FAT3: variants seen among roughly 807,000 people sequenced by gnomAD.
FAT3 encodes the protein protocadherin Fat 3.
FAT3 carries 95 observed loss-of-function variants against 310.2 expected under a neutral mutation model. The ratio of observed to expected loss-of-function variants is 0.31; its 90% CI spans 0.26 to 0.36. The LOEUF (loss-of-function observed/expected upper bound fraction) is 0.36. Ranked by LOEUF, FAT3 falls within the 10% of genes least tolerant of loss-of-function variation. The pLI, the probability that FAT3 is intolerant of heterozygous loss-of-function variation, is 1.00. For synonymous variants in FAT3, 2,314 were observed against 2,192.9 expected (o/e 1.06, Z -1.54); for missense variants, 5,408 against 5,715.6 (o/e 0.95, Z 1.74).
chr11:92,438,991 C>G (rs911987790), intron 2 of FAT3, among the ~76,000 whole-genome samples: 1 of 152,224 alleles, frequency 6.6e-6, no homozygotes, highest in Admixed American at 6.5e-5. Flanking sequence ...CCAAGTGACA[C>G]AGATCTGGTT....
intron 2 of FAT3, among the ~76,000 whole-genome samples, chr11:92,412,712 T>TATATAC (rs1950304552): frequency 2.4e-4 from 4 of 16,344 alleles, no homozygotes; most frequent in Non-Finnish European, 8.0e-4. Context: ...GATATATATA[T>TATATAC]ATATATATAT....
chr11:92,718,564 A>G (rs1454771089), intron 4 of FAT3, among the ~76,000 whole-genome samples: 1 of 152,032 alleles, frequency 6.6e-6, no homozygotes, highest in African/African-American at 2.4e-5. Context: ...TCTTGTTATT[A>G]CTCTTTCTTA....
rs1947295175 is a variant in FAT3 at position 92,800,161 on chromosome 11, A to G, written c.7148A>G (p.Tyr2383Cys). 6.2e-7 allele frequency: 1 copy of G among 1,613,826 alleles called. No individual in the cohort carries two copies. Among genetic ancestry groups the G allele is most frequent in the African/African-American group, 1.3e-5 (1 of 74,928 alleles). The change falls in exon 10 of 28, where the codon TAC (tyrosine) becomes TGC (cysteine). Residue 2383 changes from tyrosine to cysteine, a missense_variant. This residue lies in a region of FAT3 where 4,588 missense variants were observed against 4,809.8 expected (regional missense o/e 0.95). Coordinates refer to ENST00000525166, the MANE Select transcript of FAT3 (RefSeq NM_001367949.2). ...AGCAGTGAGGTTCTCGTTCATATCT[A>G]CATCTCTGATGTAAATGACAACCCT... is the stretch of plus-strand genomic sequence containing the variant. ...SLSSEVLVHI[Y>C]ISDVNDNPPV...
At chr11:92,571,344 AG>A (rs1476379213) in intron 3 of FAT3, among the ~76,000 whole-genome samples, 1 of 152,088 alleles carries the variant, frequency 6.6e-6, no homozygotes, top group Non-Finnish European at 1.5e-5. Context: ...GCTAGGGGTG[AG>A]GGAAGGGTGG....
In FAT3 at chr11:92,309,379, C is replaced by G. The variant is rs535911521; in HGVS notation, c.-17-42717C>G. 1.3e-3 allele frequency among the ~76,000 whole-genome samples: 64 copies of G among 49,732 alleles called. No homozygotes were observed. The East Asian group carries it at 0.043, about 33-fold the overall frequency. The allele number at this position is 49,732 out of a possible 152,430, so 32.6% of individuals were successfully genotyped here. On this transcript the variant is annotated intron_variant, in intron 1 of 27. Coordinates refer to ENST00000525166, the MANE Select transcript of FAT3 (RefSeq NM_001367949.2). ...GCACTCTCGCACTCTTTTACACACA[C>G]GCATGCACACACACACACACACACA... is the stretch of plus-strand genomic sequence containing the variant.
intron 3 of FAT3, among the ~76,000 whole-genome samples, chr11:92,625,111 G>A (rs1232010174): frequency 2.0e-5 from 3 of 152,134 alleles, no homozygotes; most frequent in Non-Finnish European, 4.4e-5. Flanking sequence ...CATTCCCTGA[G>A]ACAGAGAACA....
At position 92,578,670 on chromosome 11, in the gene FAT3, ATT is replaced by A. The variant is rs777550484; in HGVS notation, c.3607+53723_3607+53724del. Among the ~76,000 whole-genome samples the A allele has an allele frequency of 5.3e-5, 8 of 152,082 alleles. 1 individual carries two copies. Among genetic ancestry groups the A allele is most frequent in the Middle Eastern group, 3.2e-3 (1 of 316 alleles). On this transcript the variant is annotated intron_variant, in intron 3 of 27. Coordinates refer to ENST00000525166, the MANE Select transcript of FAT3 (RefSeq NM_001367949.2). The stretch of plus-strand genomic sequence containing the variant: ...GCGAAGAGCGTGGAAAAAGCATCCC[ATT>A]GCTAGTCCCTGAATCACCTGAATCA...
chr11:92,564,043 A>C (rs372523085), intron 3 of FAT3, among the ~76,000 whole-genome samples: 1 of 152,076 alleles, frequency 6.6e-6, no homozygotes, highest in African/African-American at 2.4e-5. Flanking sequence ...ACAATATTAA[A>C]TTTAAATGTA....
chr11:92,577,704 G>A (rs1421773457), intron 3 of FAT3, among the ~76,000 whole-genome samples: 1 of 152,078 alleles, frequency 6.6e-6, no homozygotes, highest in African/African-American at 2.4e-5. Context: ...TATTGTGTCA[G>A]TGAGATTCCT....
intron 9 of FAT3, among the ~76,000 whole-genome samples, chr11:92,796,771 A>G (rs184483828): frequency 5.2e-4 from 79 of 152,222 alleles, no homozygotes; most frequent in Middle Eastern, 6.8e-3. Context: ...GTCACCACCT[A>G]CCTTCTTTAC....
intron 1 of FAT3, among the ~76,000 whole-genome samples, chr11:92,299,468 C>A (rs754560458): frequency 6.6e-6 from 1 of 152,096 alleles, no homozygotes; most frequent in Admixed American, 6.6e-5. Flanking sequence ...GCCATTAAGG[C>A]TGCTTTATGC....
intron 3 of FAT3, among the ~76,000 whole-genome samples, chr11:92,630,846 G>A (rs931906204): frequency 1.3e-5 from 2 of 152,112 alleles, no homozygotes; most frequent in Non-Finnish European, 2.9e-5. Context: ...AGAAAGTATG[G>A]CTTCTTCATG....
rs1439752631 is a variant in FAT3, at chr11:92,867,004, G to A, written c.11922G>A (p.Arg3974=). ...ADNIRSLTDT[R]VTQVLSGFQG... is the part of the protein sequence containing the mutation. ...ACATCCGCAGCCTGACTGACACGCG[G>A]GTCACGCAGGTGCTCAGCGGCTTCC... Residue 3974 remains arginine (R), a synonymous_variant, in exon 22 of 28, where the codon CGG becomes CGA. Transcript: ENST00000525166. 2 of 1,602,840 alleles carry A rather than the reference G, an allele frequency of 1.2e-6. No individual in the cohort carries two copies. Among genetic ancestry groups the A allele is most frequent in the African/African-American group, 1.3e-5 (1 of 74,778 alleles).
chr11:92,671,225 A>C (rs771835284), intron 3 of FAT3, among the ~76,000 whole-genome samples: 5 of 151,864 alleles, frequency 3.3e-5, no homozygotes, highest in Non-Finnish European at 5.9e-5. Flanking sequence ...TCGTATTTTT[A>C]GTAGGAACGG....
chr11:92,503,541 T>A (rs1953009903), intron 2 of FAT3, among the ~76,000 whole-genome samples: 1 of 152,098 alleles, frequency 6.6e-6, no homozygotes, highest in African/African-American at 2.4e-5. Context: ...CAAGGGCATA[T>A]CACTAATAAA....
In FAT3 at chr11:92,891,037, A is replaced by C. The variant is rs1308042368; in HGVS notation, c.13694A>C (p.Tyr4565Ser). 1 of 1,613,848 alleles carries C rather than the reference A, an allele frequency of 6.2e-7. No individual in the cohort carries two copies. The highest frequency in any genetic ancestry group is 1.1e-5 in the South Asian group (1 of 91,038). ...FDDSEVAMSD[Y>S]ESVGELSLAS... is the part of the protein sequence containing the mutation. ...GATTCCGAAGTAGCCATGAGTGACT[A>C]CGAGAGCGTGGGAGAGCTCAGCCTC... The change falls in exon 28 of 28, where the codon TAC becomes TCC. Residue 4565 changes from tyrosine to serine, a missense_variant. Transcript: ENST00000525166.
intron 1 of FAT3, among the ~76,000 whole-genome samples, chr11:92,233,306 G>C (rs1864269280): frequency 6.6e-6 from 1 of 152,152 alleles, no homozygotes; most frequent in African/African-American, 2.4e-5. Context: ...CTAAGTCAGA[G>C]CTATTTAAAG....
At chr11:92,261,100 G>A (rs1408524590) in intron 1 of FAT3, among the ~76,000 whole-genome samples, 5 of 152,030 alleles carry the variant, frequency 3.3e-5, no homozygotes, top group Non-Finnish European at 5.9e-5. Context: ...CTTCAGATGA[G>A]TGTTGTCCCC....
At chr11:92,659,154 G>A (rs1408934558) in intron 3 of FAT3, among the ~76,000 whole-genome samples, 1 of 152,160 alleles carries the variant, frequency 6.6e-6, no homozygotes, top group Non-Finnish European at 1.5e-5. Context: ...GGGAAGGTGG[G>A]CTAGCTCTTC....
Sources: gnomAD v4.1 joint callset for allele counts (sites outside exome capture counted in the v4.1 genomes callset) on GRCh38, gnomAD v4.1.1 for gene constraint, gnomAD v4.1.1 regional missense constraint, MANE v1.5 for transcripts, NCBI Gene and HGNC (gene_info 2026-07-23, HGNC 2026-07-21) for gene names.